The following FBXW11 variants were observed in gnomAD, a reference collection of about 807,000 sequenced individuals.
FBXW11 encodes the protein F-box/WD repeat-containing protein 11.
In FBXW11, 19 loss-of-function variants were observed where a neutral mutation model predicts 77.6. That is an observed-to-expected ratio of 0.24 (90% CI 0.17 to 0.36). The LOEUF is 0.36. Ranked by LOEUF, FBXW11 falls within the 10% of genes least tolerant of loss-of-function variation. The pLI, the probability that FBXW11 is intolerant of heterozygous loss-of-function variation, is 1.00. For synonymous variants in FBXW11, 235 were observed against 249.4 expected (o/e 0.94, Z 0.54); for missense variants, 334 against 704.2 (o/e 0.47, Z 5.95).
chr5:171,995,080 A>C (rs554783897), intron 1 of FBXW11, among the ~76,000 whole-genome samples: 1 of 152,222 alleles, frequency 6.6e-6, no homozygotes, highest in Non-Finnish European at 1.5e-5. Flanking sequence ...AATAAAAAGA[A>C]AATTTTTTTA....
intron 1 of FBXW11, among the ~76,000 whole-genome samples, chr5:172,003,877 C>A (rs1766567066): frequency 6.6e-6 from 1 of 152,142 alleles, no homozygotes; most frequent in African/African-American, 2.4e-5. Flanking sequence ...CTTTTTAATA[C>A]AGCACACTTT....
intron 1 of FBXW11, among the ~76,000 whole-genome samples, chr5:171,983,156 C>A (rs1765244192): frequency 6.6e-6 from 1 of 152,086 alleles, no homozygotes; most frequent in African/African-American, 2.4e-5. Flanking sequence ...CCGCTACACT[C>A]CAGCCTAGGC....
chr5:171,925,288 G>A lies in FBXW11; in HGVS notation c.148-10883C>T, dbSNP rs368251136. ...GAGTATAATAAATCCCATACTAAAAGTTACTACCTTTTCAGTTTGCTTTCA... is the reference window on the plus strand; with the variant it reads ...GAGTATAATAAATCCCATACTAAAAATTACTACCTTTTCAGTTTGCTTTCA... On this transcript the variant is annotated intron_variant, in intron 2 of 13. Coordinates refer to ENST00000517395, the MANE Select transcript of FBXW11 (RefSeq NM_001378974.1). Among the ~76,000 whole-genome samples, 170 of 152,146 alleles carry A rather than the reference G, an allele frequency of 1.1e-3. 1 individual carries two copies. The highest frequency in any genetic ancestry group is 3.8e-3 in the African/African-American group (159 of 41,514).
chr5:171,974,650 T>TA (rs1180462911), intron 1 of FBXW11, among the ~76,000 whole-genome samples: 2 of 152,174 alleles, frequency 1.3e-5, no homozygotes, highest in African/African-American at 4.8e-5. Flanking sequence ...GGCCAGGAGT[T>TA]AGAGGCTGCA....
chr5:171,921,962 C>T (rs1484042210), intron 2 of FBXW11, among the ~76,000 whole-genome samples: 2 of 152,002 alleles, frequency 1.3e-5, no homozygotes, highest in Non-Finnish European at 2.9e-5. Flanking sequence ...TGATCTCAAA[C>T]TCCCAGGCTC....
At chr5:171,868,995 A>G (rs184474198) in intron 12 of FBXW11, among the ~76,000 whole-genome samples, 199 bp from the exon 13 acceptor site, 25 of 152,326 alleles carry the variant, frequency 1.6e-4, no homozygotes, top group Non-Finnish European at 2.2e-4. Flanking sequence ...TTCTTTCATT[A>G]AACTTTGTAT....
At chr5:171,986,161 A>C (rs1765429138) in intron 1 of FBXW11, among the ~76,000 whole-genome samples, 1 of 152,116 alleles carries the variant, frequency 6.6e-6, no homozygotes, top group Admixed American at 6.6e-5. Context: ...TAATACCAGC[A>C]CTTTGGGAGG....
At chr5:171,953,567 A>C (rs1002644118) in intron 2 of FBXW11, among the ~76,000 whole-genome samples, 5 of 152,208 alleles carry the variant, frequency 3.3e-5, no homozygotes, top group Admixed American at 3.3e-4. Context: ...CTAAGACTGA[A>C]ATTCCTTCTT....
intron 1 of FBXW11, among the ~76,000 whole-genome samples, chr5:171,980,059 G>A (rs1362322848): frequency 6.6e-6 from 1 of 152,230 alleles, no homozygotes; most frequent in African/African-American, 2.4e-5. Flanking sequence ...AACAGGCTAT[G>A]ACCTAATGCT....
chr5:171,869,939 T>C lies in FBXW11; in HGVS notation c.1452-132A>G. The C allele has an allele frequency of 4.1e-6, 2 of 487,704 alleles. No homozygotes were observed. Among genetic ancestry groups the C allele is most frequent in the Non-Finnish European group, 3.7e-6 (1 of 270,532 alleles). The allele number at this position is 487,704 out of a possible 1,614,324, so 30.2% of individuals were successfully genotyped here. A position where few individuals can be genotyped will look rare whatever the true frequency, so the allele number is the denominator to read the frequency against. On this transcript the variant is annotated intron_variant, in intron 11 of 13. Transcript: ENST00000517395. The surrounding 1 kb of genome is among the most constrained non-coding windows in gnomAD (Gnocchi z 4.1). ...CTAATGGGGAACATGCTTATGTTTT[T>C]ACAAATCATCTGAACCAATTACACT...
intron 1 of FBXW11, among the ~76,000 whole-genome samples, chr5:171,997,956 G>A (rs1182619023): frequency 6.6e-6 from 1 of 152,108 alleles, no homozygotes; most frequent in Non-Finnish European, 1.5e-5. Flanking sequence ...GCTACTAACT[G>A]GCCAAGCCCT....
At position 171,869,890 on chromosome 5, in the gene FBXW11, A is replaced by C; in HGVS notation, c.1452-83T>G. 1 of 788,498 alleles carries C rather than the reference A, an allele frequency of 1.3e-6. No homozygotes were observed. Among genetic ancestry groups the C allele is most frequent in the Non-Finnish European group, 2.0e-6 (1 of 490,288 alleles). The allele number at this position is 788,498 out of a possible 1,614,324, so 48.8% of individuals were successfully genotyped here. A position where few individuals can be genotyped will look rare whatever the true frequency, so the allele number is the denominator to read the frequency against. ...ACATTTCCTTGAAAAAAAGTAGTGC[A>C]TCTGAACTGCCTATTTATAAAAGCT... On this transcript the variant is annotated intron_variant, in intron 11 of 13. Transcript: ENST00000517395. This position sits in a 1 kb window ranked among gnomAD's most constrained non-coding sequence, Gnocchi z 4.1.
chr5:171,895,694 C>T (rs900521706), intron 6 of FBXW11, among the ~76,000 whole-genome samples: 1 of 152,230 alleles, frequency 6.6e-6, no homozygotes, highest in African/African-American at 2.4e-5. Flanking sequence ...CAATTGGGGG[C>T]ACGCTAGAGT....
chr5:171,938,076 T>C (rs1762567061), intron 2 of FBXW11, among the ~76,000 whole-genome samples: 3 of 152,216 alleles, frequency 2.0e-5, no homozygotes, highest in Non-Finnish European at 4.4e-5. Context: ...TTGTTTTGTT[T>C]TGAGACAGTC....
At chr5:172,003,067 A>G (rs1766513465) in intron 1 of FBXW11, 1 of 152,188 alleles carries the variant, frequency 6.6e-6, no homozygotes, top group Non-Finnish European at 1.5e-5. Flanking sequence ...CACTTAAGAG[A>G]TAAGACAGAA....
In FBXW11 at chr5:171,967,879, TATATAC is replaced by T. The variant is rs1182946352; in HGVS notation, c.46-10187_46-10182del. ...GCATATATATATATATATATATATATATATACACACACACACACACACACACACACA... is the reference window on the plus strand; with the variant it reads ...GCATATATATATATATATATATATATACACACACACACACACACACACACA... On this transcript the variant is annotated intron_variant, in intron 1 of 13. Coordinates refer to ENST00000517395, the MANE Select transcript of FBXW11 (RefSeq NM_001378974.1). 1.8e-3 allele frequency among the ~76,000 whole-genome samples: 114 copies of T among 62,666 alleles called. 1 individual carries two copies. The highest frequency in any genetic ancestry group is 6.0e-3 in the African/African-American group (108 of 17,938). The allele number at this position is 62,666 out of a possible 152,430, so 41.1% of individuals were successfully genotyped here.
Position 171,898,988 on chromosome 5 carries a change from TA to T in FBXW11, c.714+15del. ...AGAAACAAAGAGCCCATAAAACAGA[TA>T]AATCATAAAGTTACCTCTATATCCT... is the stretch of plus-strand genomic sequence containing the variant. On this transcript the variant is annotated intron_variant, in intron 6 of 13. Transcript: ENST00000517395. The T allele has an allele frequency of 6.6e-7, 1 of 1,505,220 alleles. No homozygotes were observed. The highest frequency in any genetic ancestry group is 9.0e-7 in the Non-Finnish European group (1 of 1,106,384). 93.2% of individuals were successfully genotyped at this position (1,505,220 alleles called of 1,614,324 possible). A position where few individuals can be genotyped will look rare whatever the true frequency, so the allele number is the denominator to read the frequency against.
intron 1 of FBXW11, among the ~76,000 whole-genome samples, chr5:172,005,529 G>A (rs1766685787): frequency 6.6e-6 from 1 of 152,164 alleles, no homozygotes; most frequent in South Asian, 2.1e-4. Flanking sequence ...AACCCCTTCT[G>A]GTTTCAAATC....
intron 13 of FBXW11, 57 bp downstream of exon 13, chr5:171,868,553 C>A: frequency 6.9e-7 from 1 of 1,450,444 alleles, no homozygotes. Flanking sequence ...ACAAAATTTC[C>A]CCAAAGGGAA....
Sources: gnomAD v4.1 joint callset for allele counts (sites outside exome capture counted in the v4.1 genomes callset) on GRCh38, gnomAD v4.1.1 for gene constraint, Gnocchi (gnomAD v3.1) non-coding constraint, MANE v1.5 for transcripts, NCBI Gene and HGNC (gene_info 2026-07-23, HGNC 2026-07-21) for gene names.